RELN: variants seen among roughly 807,000 people sequenced by gnomAD.
RELN encodes reelin.
RELN carries 108 observed loss-of-function variants against 427.6 expected under a neutral mutation model. The ratio of observed to expected loss-of-function variants is 0.25; its 90% CI spans 0.22 to 0.30. RELN has a LOEUF of 0.30. Ranked by LOEUF, RELN falls within the 10% of genes least tolerant of loss-of-function variation. The pLI, the probability that RELN is intolerant of heterozygous loss-of-function variation, is 1.00. For synonymous variants in RELN, 1,524 were observed against 1,513.4 expected (o/e 1.01, Z -0.16); for missense variants, 3,715 against 4,302.8 (o/e 0.86, Z 3.82).
At chr7:103,750,748 C>T (rs937176177) in intron 5 of RELN, among the ~76,000 whole-genome samples, 1 of 152,018 alleles carries the variant, frequency 6.6e-6, no homozygotes, top group Non-Finnish European at 1.5e-5. Flanking sequence ...AACTTTTTTT[C>T]TCTTTCAGAA....
intron 1 of RELN, among the ~76,000 whole-genome samples, chr7:103,979,559 G>A (rs977746889): frequency 1.5e-4 from 23 of 152,210 alleles, no homozygotes; most frequent in African/African-American, 5.5e-4. Context: ...ACAAAGGCAA[G>A]TAAAAACAAA....
intron 6 of RELN, among the ~76,000 whole-genome samples, chr7:103,748,934 G>C (rs1013835914): frequency 2.6e-5 from 4 of 152,106 alleles, no homozygotes; most frequent in African/African-American, 4.8e-5. Flanking sequence ...TATTAGACAA[G>C]CTTTTAATGA....
chr7:103,863,771 G>A (rs560123077), intron 2 of RELN, among the ~76,000 whole-genome samples: 1 of 151,930 alleles, frequency 6.6e-6, no homozygotes, highest in African/African-American at 2.4e-5. Context: ...AAGACCATAC[G>A]ATGGAATAAC....
At chr7:103,930,910 GTC>G (rs1355799128) in intron 1 of RELN, among the ~76,000 whole-genome samples, 1 of 138,758 alleles carries the variant, frequency 7.2e-6, no homozygotes, top group Non-Finnish European at 1.6e-5. Flanking sequence ...GTGTGTGTGT[GTC>G]TCCTTCTGTT....
intron 11 of RELN, among the ~76,000 whole-genome samples, chr7:103,663,529 T>C (rs1474169435): frequency 6.6e-6 from 1 of 152,162 alleles, no homozygotes; most frequent in Non-Finnish European, 1.5e-5. Flanking sequence ...GAAAGCAGCC[T>C]TTTCAATTGG....
rs567073345 is a variant in RELN, at chr7:103,723,084, A to T, written c.805+56T>A. On this transcript the variant is annotated intron_variant, in intron 8 of 64. Coordinates refer to ENST00000428762, the MANE Select transcript of RELN (RefSeq NM_005045.4). Reference sequence around the variant, plus strand: ...GGCATTATAATCCTGATTGCACACTATGTTTAAAGCAAACATTTCCAAATT... The same window carrying T: ...GGCATTATAATCCTGATTGCACACTTTGTTTAAAGCAAACATTTCCAAATT... The T allele has an allele frequency of 9.4e-5, 102 of 1,081,792 alleles. No homozygotes were observed. The South Asian group carries it at 1.2e-3, about 13-fold the overall frequency. 67.0% of individuals were successfully genotyped at this position (1,081,792 alleles called of 1,614,324 possible).
intron 1 of RELN, among the ~76,000 whole-genome samples, chr7:103,928,085 G>T (rs1032166718): frequency 2.0e-5 from 3 of 152,012 alleles, no homozygotes; most frequent in African/African-American, 4.8e-5. Flanking sequence ...CTGGATGAAA[G>T]GCAAACTAAA....
intron 3 of RELN, among the ~76,000 whole-genome samples, chr7:103,796,180 T>G: frequency 6.6e-6 from 1 of 152,206 alleles, no homozygotes; most frequent in East Asian, 1.9e-4. Context: ...CTTATCCCTT[T>G]AAATTAGGTC....
At chr7:103,894,377 A>G (rs897637302) in intron 2 of RELN, among the ~76,000 whole-genome samples, 4 of 152,052 alleles carry the variant, frequency 2.6e-5, no homozygotes, top group African/African-American at 9.7e-5. Flanking sequence ...TGACTAAAAG[A>G]CTCCCCCAAA....
At position 103,603,514 on chromosome 7, in the gene RELN, G is replaced by A; in HGVS notation, c.3147-24C>T. 2 of 1,605,356 alleles carry A rather than the reference G, an allele frequency of 1.2e-6. No individual in the cohort carries two copies. The highest frequency in any genetic ancestry group is 2.2e-5 in the East Asian group (1 of 44,738). ...ACCTATGAGAGAGCAGGGCTGAGTAGGCAGGTTACAGGCCCACCTGCCAAT... is the reference window on the plus strand; with the variant it reads ...ACCTATGAGAGAGCAGGGCTGAGTAAGCAGGTTACAGGCCCACCTGCCAAT... On this transcript the variant is annotated intron_variant, in intron 23 of 64. Coordinates refer to ENST00000428762, the MANE Select transcript of RELN (RefSeq NM_005045.4). This position sits in a 1 kb window ranked among gnomAD's most constrained non-coding sequence, Gnocchi z 4.3.
chr7:103,939,691 T>C (rs1214243710), intron 1 of RELN, among the ~76,000 whole-genome samples: 2 of 152,242 alleles, frequency 1.3e-5, no homozygotes, highest in East Asian at 3.8e-4. Context: ...TAATACTATA[T>C]ACCACAATGC....
At chr7:103,500,410 C>A (rs1329548168) in intron 53 of RELN, among the ~76,000 whole-genome samples, 2 of 151,390 alleles carry the variant, frequency 1.3e-5, no homozygotes, top group Non-Finnish European at 2.9e-5. Context: ...TATCTTCCTT[C>A]AAATAGTGCA....
In RELN at chr7:103,873,176, T is replaced by C. The variant is rs972494895; in HGVS notation, c.338-39504A>G. Among the ~76,000 whole-genome samples the C allele has an allele frequency of 5.8e-4, 87 of 149,032 alleles. 1 individual carries two copies. The highest frequency in any genetic ancestry group is 6.8e-4 in the Non-Finnish European group (46 of 67,228). On this transcript the variant is annotated intron_variant, in intron 2 of 64. Transcript: ENST00000428762. Reference sequence around the variant, plus strand: ...AACCAACGAGAACAAAGACACAACATACCAGAATCTCTGGGACGCATTCAA... The same window carrying C: ...AACCAACGAGAACAAAGACACAACACACCAGAATCTCTGGGACGCATTCAA...
intron 62 of RELN, among the ~76,000 whole-genome samples, chr7:103,483,431 T>G (rs1381652888): frequency 6.6e-6 from 1 of 152,252 alleles, no homozygotes; most frequent in Non-Finnish European, 1.5e-5. Context: ...TATTGTCTAT[T>G]CCCTCTTGTC....
chr7:103,591,160 A>T (rs1007256690), intron 27 of RELN, among the ~76,000 whole-genome samples: 8 of 152,230 alleles, frequency 5.3e-5, no homozygotes, highest in Non-Finnish European at 5.9e-5. Flanking sequence ...TGTTCATTTA[A>T]TTACCTGCCA....
chr7:103,594,456 G>C lies in RELN; in HGVS notation c.3576C>G (p.Thr1192=), dbSNP rs768983701. ...GCCACCAGCGGAACCTGGTGCAAGG[G>C]GTCTTGGCAGCAGCTGGAAGCTCCA... The part of the protein sequence containing the change: ...VYLELPAAAK[T]PCTRFRWWQP... The change falls in exon 26 of 65, where the codon ACC becomes ACG. Residue 1192 remains threonine, a synonymous_variant. Coordinates refer to ENST00000428762, the MANE Select transcript of RELN (RefSeq NM_005045.4). 6.2e-7 allele frequency: 1 copy of C among 1,613,982 alleles called. No individual in the cohort carries two copies. Among genetic ancestry groups the C allele is most frequent in the East Asian group, 2.2e-5 (1 of 44,882 alleles).
rs143050366 is a variant in RELN, at chr7:103,697,888, C to G, written c.1108G>C (p.Gly370Arg). 390 of 1,613,694 alleles carry G rather than the reference C, an allele frequency of 2.4e-4. No homozygotes were observed. The highest frequency in any genetic ancestry group is 2.5e-4 in the Admixed American group (15 of 59,904). The change falls in exon 10 of 65, where the codon GGC becomes CGC. Residue 370 changes from glycine to arginine, a missense_variant. Physicochemically the swap from Gly to Arg is moderately radical, Grantham distance 125. Transcript: ENST00000428762. ...LEDSLDPVDT[G>R]NWLFFPGATV... Reference sequence around the variant, plus strand: ...GCTCCTGGGAAGAAAAGCCAGTTGCCTGTGTCCACTGGGTCGAGACTATCT... The same window carrying G: ...GCTCCTGGGAAGAAAAGCCAGTTGCGTGTGTCCACTGGGTCGAGACTATCT...
chr7:103,785,006 T>C (rs556094121), intron 3 of RELN, among the ~76,000 whole-genome samples: 12 of 152,242 alleles, frequency 7.9e-5, no homozygotes, highest in African/African-American at 2.4e-4. Context: ...GATGATTAGA[T>C]GATAATAATA....
At chr7:103,755,821 A>AAAAAAG (rs1387894573) in intron 4 of RELN, among the ~76,000 whole-genome samples, 5 of 149,526 alleles carry the variant, frequency 3.3e-5, no homozygotes, top group Non-Finnish European at 6.0e-5. Flanking sequence ...TCAAGAAAAA[A>AAAAAAG]AAAAAAAAAA....
Sources: gnomAD v4.1 joint callset for allele counts (sites outside exome capture counted in the v4.1 genomes callset) on GRCh38, gnomAD v4.1.1 for gene constraint, Gnocchi (gnomAD v3.1) non-coding constraint, MANE v1.5 for transcripts, NCBI Gene and HGNC (gene_info 2026-07-23, HGNC 2026-07-21) for gene names.